TOX2: variants seen among roughly 807,000 people sequenced by gnomAD.
TOX2 encodes the protein granulosa cell HMG box 1.
Under a neutral mutation model 47.4 loss-of-function variants are expected in TOX2, and 15 were observed. That is an observed-to-expected ratio of 0.32 (90% CI 0.21 to 0.49). TOX2 has a LOEUF of 0.49. Among genes scored for constraint, TOX2 ranks in the 20% least tolerant of loss-of-function variants. The pLI is 0.99. For missense variants in TOX2, 622 were observed against 673.1 expected (o/e 0.92, Z 0.84); for synonymous variants, 290 against 296.6 (o/e 0.98, Z 0.23).
chr20:44,008,433 A>G (rs1212471135), intron 3 of TOX2, among the ~76,000 whole-genome samples: 1 of 151,986 alleles, frequency 6.6e-6, no homozygotes, highest in Admixed American at 6.6e-5. Flanking sequence ...AGTGGCACAC[A>G]CCTGTAATAC....
At chr20:43,995,317 A>T (rs2145565420) in intron 2 of TOX2, among the ~76,000 whole-genome samples, 1 of 152,212 alleles carries the variant, frequency 6.6e-6, no homozygotes, top group Non-Finnish European at 1.5e-5. Context: ...GTCATTATGG[A>T]CACAGACAAG....
intron 3 of TOX2, among the ~76,000 whole-genome samples, chr20:44,037,220 T>C (rs751654081): frequency 1.6e-4 from 24 of 152,302 alleles, no homozygotes; most frequent in Non-Finnish European, 2.8e-4. Context: ...TCCCAAAGTG[T>C]TGGGATTACA....
chr20:44,025,439 G>A (rs1012180684), intron 3 of TOX2, among the ~76,000 whole-genome samples: 1 of 17,808 alleles, frequency 5.6e-5, no homozygotes, highest in African/African-American at 2.3e-4. Flanking sequence ...GGGGGCAGCT[G>A]AGAGCCTTCA....
rs771593484 is a variant in TOX2, at chr20:44,051,353, G to A, written c.459G>A (p.Arg153=). 1.9e-6 allele frequency: 3 copies of A among 1,613,536 alleles called. No homozygotes were observed. The Admixed American group carries it at 5.0e-5, about 27-fold the overall frequency. ...AAGTGGCTGCCTATGACTCGGGCCGGCCCGGGCCCCTGCTGGGTCGCCCGG... is the reference window on the plus strand; with the variant it reads ...AAGTGGCTGCCTATGACTCGGGCCGACCCGGGCCCCTGCTGGGTCGCCCGG... ...HSEVAAYDSG[R]PGPLLGRPAM... The change falls in exon 4 of 9, where the codon CGG becomes CGA. Residue 153 remains arginine (R), a synonymous_variant. Transcript: ENST00000341197.
In TOX2 at chr20:43,938,586, C is replaced by T. The variant is rs1408357529; in HGVS notation, c.99+23596C>T. 2.0e-5 allele frequency among the ~76,000 whole-genome samples: 3 copies of T among 152,144 alleles called. No homozygotes were observed. In the East Asian group the frequency reaches 5.8e-4, roughly 29 times the overall value. On this transcript the variant is annotated intron_variant, in intron 1 of 8. Coordinates refer to ENST00000341197, the MANE Select transcript of TOX2 (RefSeq NM_001098797.2). ...AGGGAGGGCGCTGAGCCTGTGAGCG[C>T]CTTCAGTCTTCAGATGGCCAGCGAG...
At position 44,052,782 on chromosome 20, in the gene TOX2, A is replaced by T. The variant is rs556120040; in HGVS notation, c.651+1237A>T. Among the ~76,000 whole-genome samples the T allele has an allele frequency of 6.6e-5, 10 of 152,138 alleles. 1 individual carries two copies. The South Asian group carries it at 1.0e-3, about 16-fold the overall frequency. On this transcript the variant is annotated intron_variant, in intron 4 of 8. Transcript: ENST00000341197. ...TGTCACACAGCTAGTAAGTGGGGGG[A>T]ACCAGGATTCAAACCCAGGAGGCTG...
intron 1 of TOX2, among the ~76,000 whole-genome samples, chr20:43,949,233 G>T (rs2145377205): frequency 6.6e-6 from 1 of 152,280 alleles, no homozygotes; most frequent in East Asian, 1.9e-4. Context: ...CTTACTCCTT[G>T]CATCTAATCC....
chr20:43,928,999 A>AAAAAAAAAAAAAAC (rs2069216720), intron 1 of TOX2, among the ~76,000 whole-genome samples: 2 of 144,834 alleles, frequency 1.4e-5, no homozygotes, highest in Admixed American at 7.0e-5. Context: ...AAAAAAAAAA[A>AAAAAAAAAAAAAAC]CAACAACAAA....
intron 1 of TOX2, among the ~76,000 whole-genome samples, chr20:43,949,234 C>T (rs529701324): frequency 1.3e-5 from 2 of 152,344 alleles, no homozygotes; most frequent in East Asian, 1.9e-4. Flanking sequence ...TTACTCCTTG[C>T]ATCTAATCCA....
intron 1 of TOX2, among the ~76,000 whole-genome samples, chr20:43,959,911 C>T (rs1252094398): frequency 2.0e-5 from 3 of 152,144 alleles, no homozygotes; most frequent in Admixed American, 6.5e-5. Flanking sequence ...TGGGAGGTAA[C>T]GGGGCAAGAC....
intron 1 of TOX2, among the ~76,000 whole-genome samples, chr20:43,927,993 G>A (rs372255959): frequency 8.3e-4 from 127 of 152,264 alleles, no homozygotes; most frequent in African/African-American, 2.9e-3. Flanking sequence ...GGGGAGTGTG[G>A]GACCACCAGG....
intron 6 of TOX2, 87 bp downstream of exon 6, chr20:44,064,944 C>G: frequency 2.4e-6 from 3 of 1,271,730 alleles, no homozygotes; most frequent in Non-Finnish European, 3.4e-6. Flanking sequence ...TGGGAAGGGC[C>G]GGCACCCCAG....
In TOX2 at chr20:44,037,212, C is replaced by T. The variant is rs139140208; in HGVS notation, c.412-14094C>T. Among the ~76,000 whole-genome samples the T allele has an allele frequency of 4.4e-3, 677 of 152,324 alleles. 5 individuals are homozygous for T. Among genetic ancestry groups the T allele is most frequent in the Admixed American group, 7.6e-3 (116 of 15,308 alleles). Reference sequence around the variant, plus strand: ...CAGGTGATCCACCCACCTTGGCCTCCCAAAGTGTTGGGATTACAGGCATGA... The same window carrying T: ...CAGGTGATCCACCCACCTTGGCCTCTCAAAGTGTTGGGATTACAGGCATGA... On this transcript the variant is annotated intron_variant, in intron 3 of 8. Coordinates refer to ENST00000341197, the MANE Select transcript of TOX2 (RefSeq NM_001098797.2).
intron 2 of TOX2, among the ~76,000 whole-genome samples, chr20:43,976,784 A>G (rs6031269): frequency 0.016 from 2,011 of 128,924 alleles, 25 homozygotes; most frequent in Non-Finnish European, 0.022. Flanking sequence ...GCGCGCGCGC[A>G]CACACACACA....
At chr20:44,007,945 CAT>C (rs1284084143) in intron 3 of TOX2, among the ~76,000 whole-genome samples, 1 of 151,924 alleles carries the variant, frequency 6.6e-6, no homozygotes, top group Non-Finnish European at 1.5e-5. Context: ...GAAATGGAGT[CAT>C]ATAATTAAAA....
chr20:43,971,384 T>C (rs950096421), intron 1 of TOX2, among the ~76,000 whole-genome samples: 2 of 152,040 alleles, frequency 1.3e-5, no homozygotes, highest in Admixed American at 1.3e-4. Context: ...TCGAAAATGG[T>C]GGTAGAAAGG....
intron 2 of TOX2, among the ~76,000 whole-genome samples, chr20:43,998,252 G>T (rs2070512746): frequency 6.6e-6 from 1 of 152,166 alleles, no homozygotes; most frequent in South Asian, 2.1e-4. Flanking sequence ...CTTCCACCAG[G>T]CCCCTGCCTG....
chr20:44,060,441 C>T (rs576942040), intron 5 of TOX2, among the ~76,000 whole-genome samples: 6 of 152,122 alleles, frequency 3.9e-5, no homozygotes, highest in Non-Finnish European at 7.4e-5. Flanking sequence ...CCAACAACTG[C>T]AGAATATACA....
At position 44,065,907 on chromosome 20, in the gene TOX2, C is replaced by T. The variant is rs753370081; in HGVS notation, c.1156C>T (p.Leu386Phe). The T allele has an allele frequency of 1.4e-5, 22 of 1,611,434 alleles. No individual in the cohort carries two copies. Among genetic ancestry groups the T allele is most frequent in the Non-Finnish European group, 1.2e-5 (14 of 1,178,346 alleles). The change falls in exon 7 of 9, where the codon CTC (leucine) becomes TTC (phenylalanine). Residue 386 changes from leucine to phenylalanine, a missense_variant. Leu to Phe is a conservative substitution (Grantham distance 22). Coordinates refer to ENST00000341197, the MANE Select transcript of TOX2 (RefSeq NM_001098797.2). ...TLGSKSLLPGLSASPPPPPSF... is the reference protein window; with the variant it reads ...TLGSKSLLPGFSASPPPPPSF... The stretch of plus-strand genomic sequence containing the variant: ...GGGCTCCAAGTCTCTGCTGCCAGGC[C>T]TCAGTGCGTCCCCGCCGCCGCCACC...
Sources: allele counts gnomAD v4.1 joint callset (sites outside exome capture counted in the v4.1 genomes callset), GRCh38; gene constraint gnomAD v4.1.1; transcripts MANE v1.5; gene names NCBI Gene and HGNC (gene_info 2026-07-23, HGNC 2026-07-21).